Variants in MACROD2 observed in about 807,000 individuals in gnomAD.
MACROD2 encodes the protein mono-ADP ribosylhydrolase 2.
A neutral mutation model predicts 70.4 loss-of-function variants in MACROD2; 36 were observed. That is an observed-to-expected ratio of 0.51 (90% confidence interval 0.39 to 0.68). The LOEUF (loss-of-function observed/expected upper bound fraction) is 0.68. Among genes scored for constraint, MACROD2 ranks in the 30% least tolerant of loss-of-function variants. The pLI is 0.00. For missense variants in MACROD2, 496 were observed against 538.4 expected (o/e 0.92, Z 0.78); for synonymous variants, 172 against 178.8 (o/e 0.96, Z 0.30).
intron 3 of MACROD2, among the ~76,000 whole-genome samples, chr20:14,256,032 C>T (rs1017637899): frequency 2.0e-5 from 3 of 151,952 alleles, no homozygotes; most frequent in African/African-American, 7.2e-5. Flanking sequence ...TTGTCTGTCC[C>T]CCAAGCCCTT....
intron 5 of MACROD2, 77 bp from the exon 6 acceptor site, chr20:15,229,859 AAAAT>A (rs1209610941): frequency 2.9e-6 from 4 of 1,369,654 alleles, no homozygotes; most frequent in Non-Finnish European, 3.9e-6. Flanking sequence ...ACAAATACCT[AAAAT>A]AAATAAAGTA....
At chr20:14,230,020 C>T (rs1291743534) in intron 3 of MACROD2, among the ~76,000 whole-genome samples, 1 of 152,156 alleles carries the variant, frequency 6.6e-6, no homozygotes, top group Non-Finnish European at 1.5e-5. Context: ...TATCTAAAAA[C>T]ATGTACATAC....
At chr20:15,434,263 T>C (rs1806490418) in intron 7 of MACROD2, among the ~76,000 whole-genome samples, 1 of 151,726 alleles carries the variant, frequency 6.6e-6, no homozygotes, top group African/African-American at 2.4e-5. Context: ...GGAGAAAATA[T>C]TTGCAAACTA....
intron 3 of MACROD2, among the ~76,000 whole-genome samples, chr20:14,313,094 A>G (rs553946003): frequency 5.9e-4 from 90 of 152,364 alleles, no homozygotes; most frequent in African/African-American, 1.8e-3. Context: ...ATTCTACAGT[A>G]TATTATAGAA....
At chr20:14,616,741 G>A (rs1299835863) in intron 4 of MACROD2, among the ~76,000 whole-genome samples, 4 of 152,010 alleles carry the variant, frequency 2.6e-5, no homozygotes, top group Admixed American at 2.6e-4. Flanking sequence ...AAATGAGATG[G>A]ATGAACTGAT....
At chr20:14,622,257 T>C (rs1983874384) in intron 4 of MACROD2, among the ~76,000 whole-genome samples, 2 of 152,156 alleles carry the variant, frequency 1.3e-5, no homozygotes, top group Admixed American at 1.3e-4. Flanking sequence ...GAGAAAGAAG[T>C]CCATATGCAC....
chr20:14,831,530 G>C (rs2122236447), intron 5 of MACROD2, among the ~76,000 whole-genome samples: 1 of 151,852 alleles, frequency 6.6e-6, no homozygotes, highest in South Asian at 2.1e-4. Context: ...TGTAATCCCA[G>C]CACTTTGGGA....
chr20:14,590,998 A>G (rs6079502), intron 4 of MACROD2, among the ~76,000 whole-genome samples: 108,170 of 151,986 alleles, frequency 0.71, 39,165 homozygotes, highest in East Asian at 0.93. Context: ...CAGGTAAAAA[A>G]TAGATACATT....
chr20:15,505,323 C>G (rs2047412510), intron 8 of MACROD2, among the ~76,000 whole-genome samples: 1 of 152,164 alleles, frequency 6.6e-6, no homozygotes, highest in South Asian at 2.1e-4. Flanking sequence ...CGATTCTGAG[C>G]TGGAGGATCA....
chr20:15,087,137 A>G (rs760635365), intron 5 of MACROD2, among the ~76,000 whole-genome samples: 1 of 152,044 alleles, frequency 6.6e-6, no homozygotes, highest in East Asian at 1.9e-4. Context: ...TCAATTATCT[A>G]TCAGTTAAAT....
intron 5 of MACROD2, among the ~76,000 whole-genome samples, chr20:14,975,844 G>GA (rs2074734631): frequency 6.6e-6 from 1 of 152,166 alleles, no homozygotes; most frequent in Admixed American, 6.5e-5. Flanking sequence ...GTGAGCAAAA[G>GA]AAGGATGCGT....
intron 3 of MACROD2, among the ~76,000 whole-genome samples, chr20:14,341,956 A>G (rs1306072235): frequency 6.6e-6 from 1 of 152,152 alleles, no homozygotes; most frequent in Non-Finnish European, 1.5e-5. Context: ...ATTTCCTCTT[A>G]GGCAATAACA....
chr20:14,566,059 A>G (rs1054006305), intron 4 of MACROD2, among the ~76,000 whole-genome samples: 1 of 151,962 alleles, frequency 6.6e-6, no homozygotes, highest in African/African-American at 2.4e-5. Context: ...GATACATTTA[A>G]CAAAAAATAG....
At chr20:14,587,751 C>A (rs1981480684) in intron 4 of MACROD2, among the ~76,000 whole-genome samples, 2 of 151,754 alleles carry the variant, frequency 1.3e-5, no homozygotes, top group African/African-American at 4.8e-5. Flanking sequence ...AAAAAATAAA[C>A]CCTACTTGAT....
intron 3 of MACROD2, among the ~76,000 whole-genome samples, chr20:14,119,462 AC>A (rs1202614391): frequency 5.3e-5 from 8 of 151,948 alleles, no homozygotes; most frequent in Admixed American, 2.6e-4. Flanking sequence ...GAGCCATCGC[AC>A]CTGGCCATGA....
intron 8 of MACROD2, among the ~76,000 whole-genome samples, chr20:15,547,426 C>T (rs972198492): frequency 6.6e-6 from 1 of 152,128 alleles, no homozygotes; most frequent in East Asian, 1.9e-4. Flanking sequence ...ACAATCTGTC[C>T]ATGATGACAA....
chr20:15,560,363 C>T (rs1431659835), intron 8 of MACROD2, among the ~76,000 whole-genome samples: 1 of 152,030 alleles, frequency 6.6e-6, no homozygotes, highest in Non-Finnish European at 1.5e-5. Context: ...AGTATATTAT[C>T]TGAATATGAT....
intron 5 of MACROD2, among the ~76,000 whole-genome samples, chr20:15,159,935 A>C (rs2076336144): frequency 6.6e-6 from 1 of 152,068 alleles, no homozygotes; most frequent in Admixed American, 6.6e-5. Context: ...GAGGAAGGAG[A>C]GGTATTTCAG....
chr20:15,007,646 G>A (rs2075050228), intron 5 of MACROD2, among the ~76,000 whole-genome samples: 1 of 152,194 alleles, frequency 6.6e-6, no homozygotes, highest in Non-Finnish European at 1.5e-5. Flanking sequence ...TTTAAAAAGG[G>A]CAGGAGGATG....
Sources: allele counts gnomAD v4.1 joint callset (sites outside exome capture counted in the v4.1 genomes callset), GRCh38; gene constraint gnomAD v4.1.1; transcripts MANE v1.5; gene names NCBI Gene and HGNC (gene_info 2026-07-23, HGNC 2026-07-21).